Variants in SUGCT observed in about 807,000 individuals in gnomAD.
SUGCT encodes succinyl-CoA:glutarate-CoA transferase.
SUGCT carries 41 observed loss-of-function variants against 55.0 expected under a neutral mutation model. That is an observed-to-expected ratio of 0.74 (90% CI 0.58 to 0.97). SUGCT has a LOEUF of 0.97. Among genes scored for constraint, SUGCT ranks in the 50% least tolerant of loss-of-function variants. The pLI is 0.00. For synonymous variants in SUGCT, 187 were observed against 200.4 expected (o/e 0.93, Z 0.56); for missense variants, 568 against 547.8 (o/e 1.04, Z -0.37).
At chr7:40,968,246 C>T in the SUGCT span, 1 of 152,152 alleles carries the variant, frequency 6.6e-6, no homozygotes, top group Non-Finnish European at 1.5e-5. Context: ...ATAAAACAAA[C>T]CCTTTTACAA....
chr7:40,177,423 C>G (rs190560167), intron 1 of SUGCT, among the ~76,000 whole-genome samples: 29 of 123,462 alleles, frequency 2.3e-4, no homozygotes, highest in African/African-American at 7.9e-4. Flanking sequence ...TCTGCTGTGA[C>G]TTGGGGGAGG....
intron 4 of SUGCT, 94 bp downstream of exon 4, chr7:40,188,674 A>C: frequency 1.4e-6 from 1 of 723,186 alleles, no homozygotes; most frequent in South Asian, 2.1e-5. Context: ...TTCTTCCTTA[A>C]AAAAATTAAG....
At chr7:40,909,000 A>G in the SUGCT span, among the ~76,000 whole-genome samples, 1 of 152,152 alleles carries the variant, frequency 6.6e-6, no homozygotes, top group Non-Finnish European at 1.5e-5. Flanking sequence ...AATCTTCAGA[A>G]TGGAATACTC....
chr7:40,496,813 T>C (rs1410489331), intron 12 of SUGCT, among the ~76,000 whole-genome samples: 1 of 152,162 alleles, frequency 6.6e-6, no homozygotes, highest in Non-Finnish European at 1.5e-5. Flanking sequence ...TCTCTGATCA[T>C]ATGATTATCT....
At chr7:40,521,854 A>G (rs1793550273) in intron 12 of SUGCT, among the ~76,000 whole-genome samples, 1 of 152,064 alleles carries the variant, frequency 6.6e-6, no homozygotes, top group Non-Finnish European at 1.5e-5. Flanking sequence ...GTTAAGTGGA[A>G]ACATAGATTG....
chr7:40,497,735 T>G (rs1271970377), intron 12 of SUGCT, among the ~76,000 whole-genome samples: 1 of 152,156 alleles, frequency 6.6e-6, no homozygotes, highest in Non-Finnish European at 1.5e-5. Context: ...CATGTTTACC[T>G]CAGTTTGAGG....
chr7:40,959,832 T>G, the SUGCT span, among the ~76,000 whole-genome samples: 1 of 152,062 alleles, frequency 6.6e-6, no homozygotes, highest in Non-Finnish European at 1.5e-5. Context: ...TCCTGGTGTG[T>G]GGGTTGCAAA....
At chr7:40,479,573 G>A (rs1368568006) in intron 11 of SUGCT, among the ~76,000 whole-genome samples, 1 of 152,098 alleles carries the variant, frequency 6.6e-6, no homozygotes, top group South Asian at 2.1e-4. Flanking sequence ...GAATTACAAA[G>A]TAGTTCTATT....
intron 12 of SUGCT, among the ~76,000 whole-genome samples, chr7:40,631,126 A>G (rs1451848920): frequency 1.3e-5 from 2 of 152,302 alleles, no homozygotes; most frequent in East Asian, 3.9e-4. Context: ...GAATGATAGG[A>G]AAGAACAAAC....
At chr7:40,766,799 G>A (rs1050531950) in intron 13 of SUGCT, among the ~76,000 whole-genome samples, 1 of 152,112 alleles carries the variant, frequency 6.6e-6, no homozygotes, top group African/African-American at 2.4e-5. Context: ...ATGTGTTCAC[G>A]TGACATATTT....
At chr7:40,590,406 C>T (rs1412811323) in intron 12 of SUGCT, among the ~76,000 whole-genome samples, 1 of 152,008 alleles carries the variant, frequency 6.6e-6, no homozygotes, top group Non-Finnish European at 1.5e-5. Flanking sequence ...CAGTATGGGC[C>T]AAAACATAGG....
At position 40,382,100 on chromosome 7, in the gene SUGCT, A is replaced by G. The variant is rs1353761318; in HGVS notation, c.816+65245A>G. On this transcript the variant is annotated intron_variant, in intron 9 of 13. Transcript: ENST00000335693. Reference sequence around the variant, plus strand: ...TAAACAGCGCTGTTTTTATTTTTCAAAAAACACCTATAATATTTAAAAATA... The same window carrying G: ...TAAACAGCGCTGTTTTTATTTTTCAGAAAACACCTATAATATTTAAAAATA... 5.3e-5 allele frequency among the ~76,000 whole-genome samples: 8 copies of G among 151,926 alleles called. 1 individual carries two copies. In the South Asian group the frequency reaches 8.3e-4, roughly 16 times the overall value.
chr7:40,428,314 AT>A (rs1464048457), intron 9 of SUGCT, among the ~76,000 whole-genome samples: 1 of 152,202 alleles, frequency 6.6e-6, no homozygotes, highest in Non-Finnish European at 1.5e-5. Context: ...GATTTTTGAA[AT>A]TTGGAATTCA....
intron 6 of SUGCT, among the ~76,000 whole-genome samples, chr7:40,232,742 C>T (rs1404675942): frequency 1.3e-5 from 2 of 152,022 alleles, no homozygotes; most frequent in African/African-American, 4.8e-5. Flanking sequence ...CGAGGTTGCT[C>T]CTTAAAATGA....
chr7:40,263,236 A>G (rs1371858134), intron 7 of SUGCT, among the ~76,000 whole-genome samples: 3 of 152,184 alleles, frequency 2.0e-5, no homozygotes, highest in Non-Finnish European at 4.4e-5. Flanking sequence ...TATTTCTCTC[A>G]TGAATTGTAA....
At chr7:40,572,277 G>A (rs151154114) in intron 12 of SUGCT, among the ~76,000 whole-genome samples, 95 of 152,268 alleles carry the variant, frequency 6.2e-4, no homozygotes, top group Non-Finnish European at 1.1e-3. Flanking sequence ...ATTTGTTGGT[G>A]TGGCAGCAAG....
At chr7:40,752,430 ACTGC>A (rs1279184395) in intron 13 of SUGCT, among the ~76,000 whole-genome samples, 5 of 152,178 alleles carry the variant, frequency 3.3e-5, no homozygotes, top group Non-Finnish European at 7.3e-5. Context: ...ATCTCAGCTC[ACTGC>A]AACCTCCACC....
At chr7:40,990,302 G>T in the SUGCT span, among the ~76,000 whole-genome samples, 1 of 152,168 alleles carries the variant, frequency 6.6e-6, no homozygotes, top group Non-Finnish European at 1.5e-5. Flanking sequence ...TATTAGTTTG[G>T]TGCAAAAGTA....
intron 12 of SUGCT, among the ~76,000 whole-genome samples, chr7:40,721,797 ATC>A (rs1218213359): frequency 6.6e-6 from 1 of 152,170 alleles, no homozygotes; most frequent in African/African-American, 2.4e-5. Flanking sequence ...AGTTTCTTCT[ATC>A]TCTGTTTATG....
Sources: gnomAD v4.1 joint callset for allele counts (sites outside exome capture counted in the v4.1 genomes callset) on GRCh38, gnomAD v4.1.1 for gene constraint, MANE v1.5 for transcripts, NCBI Gene and HGNC (gene_info 2026-07-23, HGNC 2026-07-21) for gene names.